Variants in TEAD4 observed in about 807,000 individuals in gnomAD.
TEAD4 encodes transcriptional enhancer factor TEF-3.
Under a neutral mutation model 52.4 loss-of-function variants are expected in TEAD4, and 36 were observed. That is an observed-to-expected ratio of 0.69 (90% CI 0.53 to 0.91). The LOEUF is 0.91. Ranked by LOEUF, TEAD4 falls within the 40% of genes least tolerant of loss-of-function variation. The pLI, the probability that TEAD4 is intolerant of heterozygous loss-of-function variation, is 0.00. For synonymous variants in TEAD4, 220 were observed against 231.0 expected (o/e 0.95, Z 0.43); for missense variants, 508 against 583.9 (o/e 0.87, Z 1.34).
intron 5 of TEAD4, among the ~76,000 whole-genome samples, chr12:3,013,308 C>T (rs1333389458): frequency 6.6e-6 from 1 of 151,360 alleles, no homozygotes; most frequent in African/African-American, 2.4e-5. Flanking sequence ...TTTTCTTCCC[C>T]CAACAAAATA....
At chr12:2,961,456 G>A (rs1276562827) in intron 2 of TEAD4, among the ~76,000 whole-genome samples, 2 of 152,100 alleles carry the variant, frequency 1.3e-5, no homozygotes, top group African/African-American at 2.4e-5. Flanking sequence ...GGATGTGGAT[G>A]TTCTTGTGGG....
chr12:3,025,144 G>A (rs1270741784), intron 10 of TEAD4, among the ~76,000 whole-genome samples: 3 of 152,118 alleles, frequency 2.0e-5, no homozygotes, highest in Non-Finnish European at 2.9e-5. Flanking sequence ...AGGTTTCACC[G>A]TGTTGGCCAG....
At position 3,038,099 on chromosome 12, in the gene TEAD4, G is replaced by A. The variant is rs201583629; in HGVS notation, c.1029G>A (p.Glu343=). 148 of 1,612,454 alleles carry A rather than the reference G, an allele frequency of 9.2e-5. No individual in the cohort carries two copies. Among genetic ancestry groups the A allele is most frequent in the Non-Finnish European group, 1.2e-4 (139 of 1,178,854 alleles). The change falls in exon 11 of 13, where the codon GAG becomes GAA. Residue 343 remains glutamate (E), a synonymous_variant. Coordinates refer to ENST00000359864, the MANE Select transcript of TEAD4 (RefSeq NM_003213.4). Reference sequence around the variant, plus strand: ...GCTCTTTCGGCAAGCAGGTGGTGGAGAAAGTTGAGGTAGGAGGCCACCCTG... The same window carrying A: ...GCTCTTTCGGCAAGCAGGTGGTGGAAAAAGTTGAGGTAGGAGGCCACCCTG...
rs2098245632 is a variant in TEAD4 at position 2,994,511 on chromosome 12, C to T, written c.-29-227C>T. 6.6e-6 allele frequency among the ~76,000 whole-genome samples: 1 copy of T among 152,156 alleles called. No individual in the cohort carries two copies. Among genetic ancestry groups the T allele is most frequent in the Non-Finnish European group, 1.5e-5 (1 of 68,030 alleles). On this transcript the variant is annotated intron_variant, in intron 2 of 12. Coordinates refer to ENST00000359864, the MANE Select transcript of TEAD4 (RefSeq NM_003213.4). The surrounding 1 kb of genome is among the most constrained non-coding windows in gnomAD (Gnocchi z 4.7). ...CAGCCCTTGTCTGGGTTCCTTGATACCAGGGAGTGCCTAGGTCATTGTGCT... is the reference window on the plus strand; with the variant it reads ...CAGCCCTTGTCTGGGTTCCTTGATATCAGGGAGTGCCTAGGTCATTGTGCT...
intron 2 of TEAD4, 101 bp downstream of exon 2, chr12:2,960,141 G>A (rs944321350): frequency 8.8e-5 from 17 of 192,434 alleles, no homozygotes; most frequent in African/African-American, 3.8e-4. Context: ...GGAAGAGCGA[G>A]GCACGTGGAG....
chr12:2,996,266 C>T (rs563367252), intron 3 of TEAD4, among the ~76,000 whole-genome samples: 4 of 152,104 alleles, frequency 2.6e-5, no homozygotes, highest in African/African-American at 4.8e-5. Context: ...CCACACCCAA[C>T]GCTGGTGCCA....
chr12:3,008,063 C>T (rs754770541), intron 3 of TEAD4, among the ~76,000 whole-genome samples: 11 of 152,110 alleles, frequency 7.2e-5, no homozygotes, highest in African/African-American at 1.2e-4. Context: ...AATAAATAGA[C>T]CAAAAATCCC....
chr12:2,985,811 C>G (rs751243955), intron 2 of TEAD4, among the ~76,000 whole-genome samples: 3 of 152,088 alleles, frequency 2.0e-5, no homozygotes, highest in Admixed American at 2.0e-4. Context: ...ACCAGCCGGG[C>G]GTGGTGGCTC....
At chr12:3,013,116 T>C (rs1416927668) in intron 5 of TEAD4, among the ~76,000 whole-genome samples, 1 of 152,014 alleles carries the variant, frequency 6.6e-6, no homozygotes, top group Non-Finnish European at 1.5e-5. Context: ...TGCACGGCCA[T>C]TTTTTTCTAT....
chr12:2,970,301 T>C (rs879750515), intron 2 of TEAD4, among the ~76,000 whole-genome samples: 1 of 152,230 alleles, frequency 6.6e-6, no homozygotes, highest in Admixed American at 6.5e-5. Context: ...GTGGTCGTGG[T>C]TGGCACAGTG....
chr12:2,979,310 C>G (rs2153953539), intron 2 of TEAD4, among the ~76,000 whole-genome samples: 1 of 152,320 alleles, frequency 6.6e-6, no homozygotes, highest in Middle Eastern at 3.4e-3. Flanking sequence ...GGCTGCTTCC[C>G]CTTTTGACTA....
chr12:2,993,086 A>G (rs1232937861), intron 2 of TEAD4, among the ~76,000 whole-genome samples: 24 of 152,202 alleles, frequency 1.6e-4, no homozygotes, highest in Admixed American at 6.5e-5. Context: ...TATATTGTAT[A>G]TGCGTTTTTA....
intron 2 of TEAD4, among the ~76,000 whole-genome samples, chr12:2,988,923 G>C (rs1442599663): frequency 6.6e-6 from 1 of 152,194 alleles, no homozygotes; most frequent in Non-Finnish European, 1.5e-5. Flanking sequence ...CGTCCCACGT[G>C]CCTTGCCCTA....
chr12:2,969,215 AC>A (rs1190220684), intron 2 of TEAD4, among the ~76,000 whole-genome samples: 2 of 152,170 alleles, frequency 1.3e-5, no homozygotes, highest in East Asian at 3.8e-4. Flanking sequence ...AGAAAGCAAA[AC>A]TTGAATTTGC....
chr12:3,027,411 A>G (rs1459390997), intron 10 of TEAD4, among the ~76,000 whole-genome samples: 1 of 152,146 alleles, frequency 6.6e-6, no homozygotes, highest in African/African-American at 2.4e-5. Flanking sequence ...CTTGCAATGT[A>G]ATTAACTTAC....
At chr12:2,966,995 C>T (rs188681497) in intron 2 of TEAD4, among the ~76,000 whole-genome samples, 20 of 152,308 alleles carry the variant, frequency 1.3e-4, no homozygotes, top group Admixed American at 2.6e-4. Flanking sequence ...GAGTGAACCA[C>T]CGCACCTGAC....
chr12:2,975,539 C>G (rs994263236), intron 2 of TEAD4, among the ~76,000 whole-genome samples: 6 of 152,164 alleles, frequency 3.9e-5, no homozygotes, highest in Admixed American at 1.3e-4. Flanking sequence ...CAGGCATGCG[C>G]CACCACACCC....
chr12:3,038,918 C>CT (rs2098281024), intron 11 of TEAD4, among the ~76,000 whole-genome samples: 1 of 152,224 alleles, frequency 6.6e-6, no homozygotes, highest in African/African-American at 2.4e-5. Context: ...CCTGTGGACT[C>CT]TGAGAGTCCG....
chr12:2,989,754 G>C (rs2098241591), intron 2 of TEAD4, among the ~76,000 whole-genome samples: 1 of 152,142 alleles, frequency 6.6e-6, no homozygotes, highest in Admixed American at 6.6e-5. Flanking sequence ...TTCAATATCA[G>C]TTTAATAGTC....
Sources: gnomAD v4.1 joint callset for allele counts (sites outside exome capture counted in the v4.1 genomes callset) on GRCh38, gnomAD v4.1.1 for gene constraint, Gnocchi (gnomAD v3.1) non-coding constraint, MANE v1.5 for transcripts, NCBI Gene and HGNC (gene_info 2026-07-23, HGNC 2026-07-21) for gene names.